NREP: variants seen among roughly 807,000 people sequenced by gnomAD.
The protein encoded by NREP is neuronal regeneration-related protein.
A neutral mutation model predicts 8.6 loss-of-function variants in NREP; 5 were observed. The observed-to-expected ratio is 0.58, with a 90% confidence interval of 0.30 to 1.22. NREP has a LOEUF of 1.22. NREP is among the 50% of genes most tolerant of loss of function. The pLI, the probability that NREP is intolerant of heterozygous loss-of-function variation, is 0.07. For missense variants in NREP, 86 were observed against 82.5 expected (o/e 1.04, Z -0.17); for synonymous variants, 27 against 28.0 (o/e 0.96, Z 0.11).
chr5:111,915,942 G>A (rs190190889), intron 2 of NREP, among the ~76,000 whole-genome samples: 23 of 152,068 alleles, frequency 1.5e-4, no homozygotes, highest in African/African-American at 4.6e-4. Flanking sequence ...TATCATCCAC[G>A]ATCACCTTGT....
chr5:111,783,488 G>A (rs911084193), intron 2 of NREP, among the ~76,000 whole-genome samples: 1 of 152,200 alleles, frequency 6.6e-6, no homozygotes, highest in African/African-American at 2.4e-5. Context: ...TAAGATATCT[G>A]TGGGGAACAA....
chr5:111,951,222 G>T (rs1756151682), intron 2 of NREP, among the ~76,000 whole-genome samples: 1 of 151,982 alleles, frequency 6.6e-6, no homozygotes, highest in South Asian at 2.1e-4. Context: ...CATTTATTAT[G>T]CTATAGCACT....
rs528423343 is a variant in NREP, at chr5:111,855,941, T to C, written c.135+119333A>G. Among the ~76,000 whole-genome samples the C allele has an allele frequency of 1.2e-3, 180 of 152,306 alleles. 1 individual carries two copies. Among genetic ancestry groups the C allele is most frequent in the Middle Eastern group, 3.4e-3 (1 of 294 alleles). ...GTTTGTGAAGAATGAAGGTCCTGTT[T>C]TGTCTACTTTTCTTTGATGTTACTA... is the stretch of plus-strand genomic sequence containing the variant. On this transcript the variant is annotated intron_variant, in intron 2 of 3. Transcript: ENST00000395634.
rs756211201 is a variant in NREP, at chr5:111,975,374, C to T, written c.35G>A (p.Arg12Gln). 60 of 1,551,144 alleles carry T rather than the reference C, an allele frequency of 3.9e-5. No individual in the cohort carries two copies. In the African/African-American group the frequency reaches 4.7e-4, roughly 12 times the overall value. Residue 12 changes from arginine (R) to glutamine (Q), a missense_variant, in exon 2 of 4, where the codon CGA becomes CAA. Physicochemically the swap from Arg to Gln is conservative, Grantham distance 43. Coordinates refer to the NREP transcript ENST00000395634. ...CTGGGTTCGTGTTTCATCTTCTCTTCGGCTCTGCAGACAAGACACATGGTA... is the reference window on the plus strand; with the variant it reads ...CTGGGTTCGTGTTTCATCTTCTCTTTGGCTCTGCAGACAAGACACATGGTA...
intron 2 of NREP, among the ~76,000 whole-genome samples, chr5:111,825,241 T>A (rs1752595970): frequency 1.3e-5 from 2 of 152,070 alleles, no homozygotes. Flanking sequence ...AAAACTCTTC[T>A]TTATATTTTC....
At chr5:111,772,605 A>G (rs1023385070) in intron 2 of NREP, among the ~76,000 whole-genome samples, 2 of 152,018 alleles carry the variant, frequency 1.3e-5, no homozygotes, top group Non-Finnish European at 2.9e-5. Flanking sequence ...GTGCAGCCTC[A>G]GAGAAGCAGC....
intron 2 of NREP, among the ~76,000 whole-genome samples, chr5:111,884,914 C>A (rs1305535242): frequency 6.6e-6 from 1 of 152,180 alleles, no homozygotes; most frequent in African/African-American, 2.4e-5. Context: ...AAAACTGGCA[C>A]ACGACAGGGA....
intron 2 of NREP, among the ~76,000 whole-genome samples, chr5:111,866,914 A>G (rs1250731119): frequency 2.0e-5 from 3 of 150,314 alleles, no homozygotes; most frequent in Non-Finnish European, 4.4e-5. Flanking sequence ...CAAACACCGC[A>G]TGTTCTCACT....
chr5:111,924,919 A>C (rs1249087166), intron 2 of NREP, among the ~76,000 whole-genome samples: 1 of 152,140 alleles, frequency 6.6e-6, no homozygotes, highest in Non-Finnish European at 1.5e-5. Flanking sequence ...GTGAGCTAAA[A>C]TGTCTCCACG....
intron 2 of NREP, among the ~76,000 whole-genome samples, chr5:111,864,007 G>A (rs1280805125): frequency 6.6e-6 from 1 of 152,084 alleles, no homozygotes; most frequent in African/African-American, 2.4e-5. Context: ...CAGTTACAGA[G>A]CTCACAAAGA....
At chr5:111,895,913 T>C (rs903407187) in intron 2 of NREP, among the ~76,000 whole-genome samples, 2 of 152,140 alleles carry the variant, frequency 1.3e-5, no homozygotes, top group African/African-American at 4.8e-5. Flanking sequence ...CAGCAGCCAA[T>C]TGGAATGTAT....
chr5:111,918,718 G>T (rs916158026), intron 2 of NREP, among the ~76,000 whole-genome samples: 1 of 152,178 alleles, frequency 6.6e-6, no homozygotes, highest in Non-Finnish European at 1.5e-5. Flanking sequence ...ACTCAAGATG[G>T]ATTAAAGACT....
At chr5:111,855,394 C>CT (rs1753404185) in intron 2 of NREP, among the ~76,000 whole-genome samples, 1 of 152,154 alleles carries the variant, frequency 6.6e-6, no homozygotes, top group South Asian at 2.1e-4. Flanking sequence ...AATGTTAGCT[C>CT]TAATCACTAT....
chr5:111,885,385 A>G (rs1424650064), intron 2 of NREP, among the ~76,000 whole-genome samples: 2 of 151,846 alleles, frequency 1.3e-5, no homozygotes. Context: ...AATATCGTGA[A>G]AATGGCCATA....
At chr5:111,763,576 AT>A (rs1472884252) in intron 2 of NREP, among the ~76,000 whole-genome samples, 2 of 152,242 alleles carry the variant, frequency 1.3e-5, no homozygotes, top group African/African-American at 2.4e-5. Context: ...TCAAAGGAAG[AT>A]TTATCCAGAT....
intron 2 of NREP, among the ~76,000 whole-genome samples, chr5:111,801,498 A>C (rs1752007053): frequency 6.6e-6 from 1 of 152,214 alleles, no homozygotes; most frequent in African/African-American, 2.4e-5. Context: ...GAGGCCTTTC[A>C]TAGTTCCTTT....
At chr5:111,883,567 T>C (rs553387637) in intron 2 of NREP, among the ~76,000 whole-genome samples, 1 of 152,162 alleles carries the variant, frequency 6.6e-6, no homozygotes, top group Non-Finnish European at 1.5e-5. Context: ...GACCACATAC[T>C]TGGAAGTAAA....
intron 2 of NREP, among the ~76,000 whole-genome samples, chr5:111,946,074 T>TCACACACACACACA (rs72097994): frequency 3.2e-5 from 4 of 126,822 alleles, no homozygotes; most frequent in African/African-American, 1.1e-4. Context: ...GAGATTTTGA[T>TCACACACACACACA]CACACACACA....
At chr5:111,837,031 G>C (rs1268842119) in intron 2 of NREP, among the ~76,000 whole-genome samples, 1 of 151,976 alleles carries the variant, frequency 6.6e-6, no homozygotes, top group African/African-American at 2.4e-5. Flanking sequence ...AAATCCAGAA[G>C]GTACTAAGTT....
Sources: allele counts gnomAD v4.1 joint callset (sites outside exome capture counted in the v4.1 genomes callset), GRCh38; gene constraint gnomAD v4.1.1; transcripts MANE v1.5; gene names NCBI Gene and HGNC (gene_info 2026-07-23, HGNC 2026-07-21).